The following GGNBP2 variants were observed in gnomAD, a reference collection of about 807,000 sequenced individuals.
GGNBP2 encodes the protein gametogenetin-binding protein 2.
In GGNBP2, 10 loss-of-function variants were observed where a neutral mutation model predicts 85.9. The ratio of observed to expected loss-of-function variants is 0.12; its 90% CI spans 0.07 to 0.20. The LOEUF (loss-of-function observed/expected upper bound fraction) is 0.20. Ranked by LOEUF, GGNBP2 falls within the 10% of genes least tolerant of loss-of-function variation. GGNBP2 has a pLI of 1.00. For synonymous variants in GGNBP2, 287 were observed against 285.7 expected, an observed-to-expected ratio of 1.00 and a Z score of -0.05; for missense variants, 595 against 857.8, an observed-to-expected ratio of 0.69 and a Z score of 3.83.
At chr17:36,575,648 A>ATATATTTTTTTTTTT (rs374366757) in intron 6 of GGNBP2, among the ~76,000 whole-genome samples, 2 of 54,914 alleles carry the variant, frequency 3.6e-5, no homozygotes, top group Non-Finnish European at 5.7e-5. Context: ...ATATATATAT[A>ATATATTTTTTTTTTT]TTTTTTTTTT....
At chr17:36,587,556 C>T (rs1350491357) in intron 13 of GGNBP2, 1 of 295,526 alleles carries the variant, frequency 3.4e-6, no homozygotes, top group Admixed American at 4.3e-5. Flanking sequence ...AAAATACATT[C>T]AACATCCCAA....
At chr17:36,576,568 AAAAAAAAAAAAAAAAAAT>A (rs1360809183) in intron 6 of GGNBP2, 4 of 17,010 alleles carry the variant, frequency 2.4e-4, no homozygotes, top group Non-Finnish European at 6.4e-4. Flanking sequence ...AAAAAAAAAA[AAAAAAAAAAAAAAAAAAT>A]ATATATATAT....
intron 5 of GGNBP2, among the ~76,000 whole-genome samples, chr17:36,563,951 C>G (rs1288934744): frequency 2.6e-5 from 4 of 152,176 alleles, no homozygotes. Context: ...ACCAGGTTGG[C>G]CAGGCTGGTC....
chr17:36,579,362 G>A lies in GGNBP2; in HGVS notation c.963G>A (p.Glu321=). 1 of 1,614,234 alleles carries A rather than the reference G, an allele frequency of 6.2e-7. No homozygotes were observed. The highest frequency in any genetic ancestry group is 8.5e-7 in the Non-Finnish European group (1 of 1,180,038). The change falls in exon 8 of 14, where the codon GAG becomes GAA. Residue 321 remains glutamate (E), a synonymous_variant. Coordinates refer to ENST00000613102, the MANE Select transcript of GGNBP2 (RefSeq NM_024835.5). ...HRIWQKLRAE[E]QTWQMLFYLG... is the part of the protein sequence containing the mutation. ...TCTGGCAGAAGCTACGGGCAGAAGA[G>A]CAGACATGGCAGATGCTTTTCTATC...
chr17:36,572,083 A>G (rs1555606906), intron 6 of GGNBP2, among the ~76,000 whole-genome samples: 1 of 152,026 alleles, frequency 6.6e-6, no homozygotes, highest in African/African-American at 2.4e-5. Context: ...GTCATATGCA[A>G]TGCTGCTTTT....
intron 9 of GGNBP2, among the ~76,000 whole-genome samples, chr17:36,584,865 G>T (rs1377866522): frequency 6.6e-5 from 10 of 151,762 alleles, no homozygotes; most frequent in Admixed American, 6.6e-4. Context: ...GAGGCAGAAG[G>T]ATTGCTTGAG....
Position 36,579,302 on chromosome 17 carries a change from C to T in GGNBP2, c.903C>T (p.Cys301=), listed in dbSNP as rs753183357. The T allele has an allele frequency of 6.2e-7, 1 of 1,614,096 alleles. No homozygotes were observed. The highest frequency in any genetic ancestry group is 1.3e-5 in the African/African-American group (1 of 75,042). The change falls in exon 8 of 14, where the codon TGC becomes TGT. Residue 301 remains cysteine (C), a synonymous_variant. Transcript: ENST00000613102. ...IDIAQEEVLT[C]LGIHLYERLH... The stretch of plus-strand genomic sequence containing the variant: ...TAGCTCAAGAAGAAGTTCTGACCTG[C>T]TTGGGAATTCATCTTTATGAAAGAC...
chr17:36,569,108 C>T (rs983523794), intron 6 of GGNBP2, among the ~76,000 whole-genome samples: 27 of 151,896 alleles, frequency 1.8e-4, no homozygotes, highest in Admixed American at 1.4e-3. Context: ...GGAGGAGACT[C>T]CAGTAGAAAA....
rs374219823 is a variant in GGNBP2 at position 36,545,717 on chromosome 17, C to T, written c.-8C>T. 2.6e-6 allele frequency: 4 copies of T among 1,563,806 alleles called. No homozygotes were observed. Among genetic ancestry groups the T allele is most frequent in the East Asian group, 2.4e-5 (1 of 41,552 alleles). On this transcript the variant is annotated 5_prime_UTR_variant, in exon 2 of 14. Coordinates refer to ENST00000613102, the MANE Select transcript of GGNBP2 (RefSeq NM_024835.5). ...GTGGTGACGGTGGCAACGGCAGCGT[C>T]GGGGACGATGGCGCGACTCGTGGCA... is the stretch of plus-strand genomic sequence containing the variant.
intron 6 of GGNBP2, among the ~76,000 whole-genome samples, chr17:36,570,991 G>T (rs2074518420): frequency 6.6e-6 from 1 of 152,164 alleles, no homozygotes; most frequent in African/African-American, 2.4e-5. Context: ...CTGCACTCAA[G>T]CCTGGGTGAC....
intron 9 of GGNBP2, chr17:36,581,831 C>T (rs2074653889): frequency 4.6e-6 from 1 of 215,060 alleles, no homozygotes; most frequent in Admixed American, 5.8e-5. Flanking sequence ...TGTGCAAGTC[C>T]CTGATGTAAA....
At chr17:36,547,628 A>G (rs993281065) in intron 2 of GGNBP2, 1 of 152,240 alleles carries the variant, frequency 6.6e-6, no homozygotes, top group Non-Finnish European at 1.5e-5. Flanking sequence ...ACTGAAAAAG[A>G]TGTAACCTTG....
rs755452058 is a variant in GGNBP2 at position 36,578,161 on chromosome 17, C to T, written c.820C>T (p.Arg274Cys). ...ETDFIAHLLG[R>C]AEPEFAGGRR... is the part of the protein sequence containing the mutation. ...AGACTTCATTGCACATCTTTTGGGT[C>T]GTGCTGAGCCAGAGTTCGCAGGAGG... Residue 274 changes from arginine to cysteine, a missense_variant, in exon 7 of 14, where the codon CGT becomes TGT. Coordinates refer to ENST00000613102, the MANE Select transcript of GGNBP2 (RefSeq NM_024835.5). 2 of 1,610,684 alleles carry T rather than the reference C, an allele frequency of 1.2e-6. No homozygotes were observed. Among genetic ancestry groups the T allele is most frequent in the Non-Finnish European group, 1.7e-6 (2 of 1,177,080 alleles).
chr17:36,577,440 GCA>G (rs1567831013), intron 6 of GGNBP2: 1 of 153,006 alleles, frequency 6.5e-6, no homozygotes, highest in African/African-American at 2.4e-5. Flanking sequence ...ATTAAAAAAT[GCA>G]CACACCACTT....
intron 6 of GGNBP2, among the ~76,000 whole-genome samples, chr17:36,570,683 A>G (rs7220112): frequency 0.02 from 3,056 of 152,100 alleles, 102 homozygotes; most frequent in African/African-American, 0.069. Flanking sequence ...AGCCTGGGCA[A>G]CAAGAGTGAA....
At chr17:36,568,082 C>T (rs765243748) in intron 6 of GGNBP2, among the ~76,000 whole-genome samples, 1 of 152,096 alleles carries the variant, frequency 6.6e-6, no homozygotes, top group Non-Finnish European at 1.5e-5. Flanking sequence ...TACGCCGCCA[C>T]ACCCAGCTAA....
At chr17:36,558,949 G>A (rs1163263575) in intron 4 of GGNBP2, among the ~76,000 whole-genome samples, 2 of 152,006 alleles carry the variant, frequency 1.3e-5, no homozygotes. Flanking sequence ...GGGATTTTTT[G>A]GATAGATTGG....
At chr17:36,585,576 T>C (rs1192464239) in intron 10 of GGNBP2, 126 bp downstream of exon 10, 5 of 707,478 alleles carry the variant, frequency 7.1e-6, no homozygotes, top group Non-Finnish European at 2.3e-6. Flanking sequence ...AAGAATATCA[T>C]ATAATTTAGT....
intron 3 of GGNBP2, among the ~76,000 whole-genome samples, chr17:36,555,747 A>G (rs1417396013): frequency 6.6e-6 from 1 of 152,220 alleles, no homozygotes; most frequent in African/African-American, 2.4e-5. Context: ...CCTCCCATAT[A>G]CTTTAAAGCA....
Sources: gnomAD v4.1 joint callset for allele counts (sites outside exome capture counted in the v4.1 genomes callset) on GRCh38, gnomAD v4.1.1 for gene constraint, MANE v1.5 for transcripts, NCBI Gene and HGNC (gene_info 2026-07-23, HGNC 2026-07-21) for gene names.